The following SAP25 variants were observed in gnomAD, a reference collection of about 807,000 sequenced individuals.
The protein encoded by SAP25 is histone deacetylase complex subunit SAP25.
A neutral mutation model predicts 31.5 loss-of-function variants in SAP25; 24 were observed. The ratio of observed to expected loss-of-function variants is 0.76; its 90% CI spans 0.55 to 1.07. SAP25 has a LOEUF of 1.07. SAP25 is among the 50% of genes least tolerant of loss of function. SAP25 has a pLI of 0.00. For missense variants in SAP25, 377 were observed against 418.8 expected (o/e 0.90, Z 0.87); for synonymous variants, 180 against 186.0 (o/e 0.97, Z 0.26).
Position 100,572,806 on chromosome 7 carries a change from G to A in SAP25, c.511+54C>T, listed in dbSNP as rs1801180411. The A allele has an allele frequency of 2.7e-6, 4 of 1,500,458 alleles. No homozygotes were observed. The African/African-American group carries it at 5.6e-5, about 21-fold the overall frequency. 92.9% of individuals were successfully genotyped at this position (1,500,458 alleles called of 1,614,324 possible). On this transcript the variant is annotated intron_variant, in intron 4 of 5. Transcript: ENST00000622764. The surrounding 1 kb of genome is among the most constrained non-coding windows in gnomAD (Gnocchi z 4.1). ...CTGCGGGCTCCCACCCCTGGGCACT[G>A]GTTCCCAGAGGAGTTGGGGCAGCCT...
rs1233315702 is a variant in SAP25, at chr7:100,573,640, C to G, written c.103G>C (p.Gly35Arg). Residue 35 changes from glycine to arginine, a missense_variant, in exon 1 of 6, where the codon GGA becomes CGA. Physicochemically the swap from Gly to Arg is moderately radical, Grantham distance 125. Coordinates refer to ENST00000622764, the MANE Select transcript of SAP25 (RefSeq NM_001348680.2). ...GKDQGEPWSAGADAPRELGTP... is the reference protein window; with the variant it reads ...GKDQGEPWSARADAPRELGTP... Reference sequence around the variant, plus strand: ...CCCAGCTCCCTGGGGGCGTCCGCTCCGGCGCTCCAGGGCTCGCCCTGGTCC... The same window carrying G: ...CCCAGCTCCCTGGGGGCGTCCGCTCGGGCGCTCCAGGGCTCGCCCTGGTCC... 3 of 1,231,242 alleles carry G rather than the reference C, an allele frequency of 2.4e-6. No individual in the cohort carries two copies. In the South Asian group the frequency reaches 1.2e-4, roughly 51 times the overall value. The allele number at this position is 1,231,242 out of a possible 1,614,324, so 76.3% of individuals were successfully genotyped here.
At position 100,573,623 on chromosome 7, in the gene SAP25, C is replaced by T; in HGVS notation, c.120G>A (p.Arg40=). 1 of 1,231,656 alleles carries T rather than the reference C, an allele frequency of 8.1e-7. No homozygotes were observed. Among genetic ancestry groups the T allele is most frequent in the Non-Finnish European group, 1.0e-6 (1 of 987,888 alleles). 76.3% of individuals were successfully genotyped at this position (1,231,656 alleles called of 1,614,324 possible). A position where few individuals can be genotyped will look rare whatever the true frequency, so the allele number is the denominator to read the frequency against. Residue 40 remains arginine, a synonymous_variant, in exon 1 of 6, where the codon AGG becomes AGA. Coordinates refer to ENST00000622764, the MANE Select transcript of SAP25 (RefSeq NM_001348680.2). ...TGTCCCATGGGGGTGTCCCCAGCTC[C>T]CTGGGGGCGTCCGCTCCGGCGCTCC... is the stretch of plus-strand genomic sequence containing the variant. ...EPWSAGADAP[R]ELGTPPWDSP...
rs555558021 is a variant in SAP25 at position 100,573,465 on chromosome 7, G to A, written c.147-65C>T. On this transcript the variant is annotated intron_variant, in intron 1 of 5. Transcript: ENST00000622764. ...CACGCACCCTCCCCTGGAGCCCAAGGGTGCCTGGTGCAAGGGAGACCGAGG... is the reference window on the plus strand; with the variant it reads ...CACGCACCCTCCCCTGGAGCCCAAGAGTGCCTGGTGCAAGGGAGACCGAGG... 542 of 1,239,460 alleles carry A rather than the reference G, an allele frequency of 4.4e-4. 5 individuals carry two copies. In the African/African-American group the frequency reaches 7.1e-3, roughly 16 times the overall value. The allele number at this position is 1,239,460 out of a possible 1,614,324, so 76.8% of individuals were successfully genotyped here.
chr7:100,573,384 GGGATGGGGGCTGTGGGCT>G lies in SAP25; in HGVS notation c.147-2_162del, dbSNP rs1801210182. ...TCTCTCCAGATCCAGGAAGGGCTAC[GGGATGGGGGCTGTGGGCT>G]GGAGGGGCAGGGACTGAGGCTGCAG... On this transcript the variant is annotated splice_acceptor_variant and coding_sequence_variant, in exon 2 of 6. Coordinates refer to ENST00000622764, the MANE Select transcript of SAP25 (RefSeq NM_001348680.2). LOFTEE classifies it high-confidence loss of function. 1 of 1,371,042 alleles carries G rather than the reference GGGATGGGGGCTGTGGGCT, an allele frequency of 7.3e-7. No homozygotes were observed. The highest frequency in any genetic ancestry group is 1.8e-5 in the South Asian group (1 of 54,562). 84.9% of individuals were successfully genotyped at this position (1,371,042 alleles called of 1,614,324 possible).
chr7:100,573,439 C>T, intron 1 of SAP25, 39 bp from the exon 2 acceptor site: 2 of 1,249,760 alleles, frequency 1.6e-6, no homozygotes, highest in Non-Finnish European at 2.1e-6. Flanking sequence ...CACACCGCCC[C>T]CACGCACCCT....
chr7:100,573,053 C>T (rs369560488), intron 3 of SAP25, 40 bp from the exon 4 acceptor site: 181 of 1,507,222 alleles, frequency 1.2e-4, no homozygotes, highest in Non-Finnish European at 1.5e-4. Context: ...CTCAGGCCAC[C>T]GCACAGCTCC....
Position 100,572,837 on chromosome 7 carries a change from C to A in SAP25, c.511+23G>T, listed in dbSNP as rs1346611466. The A allele has an allele frequency of 1.4e-6, 2 of 1,478,578 alleles. No homozygotes were observed. The highest frequency in any genetic ancestry group is 2.5e-5 in the East Asian group (1 of 40,344). 91.6% of individuals were successfully genotyped at this position (1,478,578 alleles called of 1,614,324 possible). On this transcript the variant is annotated intron_variant, in intron 4 of 5. Coordinates refer to ENST00000622764, the MANE Select transcript of SAP25 (RefSeq NM_001348680.2). The surrounding 1 kb of genome is among the most constrained non-coding windows in gnomAD (Gnocchi z 4.1). ...CAGAGGAGTTGGGGCAGCCTTGCGC[C>A]CCCGGGGGACCAAGGGAGGTACCTG...
intron 3 of SAP25, 38 bp from the exon 4 acceptor site, chr7:100,573,051 A>G: frequency 2.0e-6 from 3 of 1,506,012 alleles, no homozygotes; most frequent in Non-Finnish European, 2.7e-6. Flanking sequence ...GCCTCAGGCC[A>G]CCGCACAGCT....
At position 100,573,818 on chromosome 7, in the gene SAP25, C is replaced by T. The variant is rs1362208283; in HGVS notation, c.-76G>A. 1.8e-6 allele frequency: 2 copies of T among 1,134,622 alleles called. No homozygotes were observed. The highest frequency in any genetic ancestry group is 2.2e-6 in the Non-Finnish European group (2 of 922,350). The allele number at this position is 1,134,622 out of a possible 1,614,324, so 70.3% of individuals were successfully genotyped here. ...CGGCCCTCTCAGCCTCCCTCCGCGG[C>T]GCGGCGCGAACGTGCCCTCCTGGCG... is the stretch of plus-strand genomic sequence containing the variant. On this transcript the variant is annotated 5_prime_UTR_variant, in exon 1 of 6. Transcript: ENST00000622764.
rs1584399596 is a variant in SAP25 at position 100,573,306 on chromosome 7, C to G, written c.241G>C (p.Gly81Arg). The change falls in exon 2 of 6, where the codon GGA becomes CGA. Residue 81 changes from glycine to arginine, a missense_variant. Gly to Arg is a moderately radical substitution (Grantham distance 125). Coordinates refer to ENST00000622764, the MANE Select transcript of SAP25 (RefSeq NM_001348680.2). ...LPGPATEQPP[G>R]APDPRSPQVA... The stretch of plus-strand genomic sequence containing the variant: ...GCAGGGCCTGTCCTACCTGGGGCTC[C>G]GGGGGGCTGCTCAGTGGCCGGGCCT... The G allele has an allele frequency of 1.5e-6, 2 of 1,371,862 alleles. No homozygotes were observed. Among genetic ancestry groups the G allele is most frequent in the Admixed American group, 3.0e-5 (1 of 33,302 alleles). The allele number at this position is 1,371,862 out of a possible 1,614,324, so 85.0% of individuals were successfully genotyped here.
Position 100,573,844 on chromosome 7 carries a change from A to G in SAP25, c.-102T>C. 1 of 1,035,996 alleles carries G rather than the reference A, an allele frequency of 9.7e-7. No individual in the cohort carries two copies. The highest frequency in any genetic ancestry group is 1.2e-6 in the Non-Finnish European group (1 of 837,358). The allele number at this position is 1,035,996 out of a possible 1,614,324, so 64.2% of individuals were successfully genotyped here. A position where few individuals can be genotyped will look rare whatever the true frequency, so the allele number is the denominator to read the frequency against. On this transcript the variant is annotated 5_prime_UTR_variant, in exon 1 of 6. Coordinates refer to ENST00000622764, the MANE Select transcript of SAP25 (RefSeq NM_001348680.2). ...GCGGCGCGAACGTGCCCTCCTGGCG[A>G]ACCCACCCCAGAGGCCTCGCGGCGA...
rs774481783 is a variant in SAP25 at position 100,573,154 on chromosome 7, C to T, written c.309G>A (p.Ala103=). The T allele has an allele frequency of 1.1e-4, 173 of 1,535,746 alleles. No individual in the cohort carries two copies. The highest frequency in any genetic ancestry group is 1.4e-4 in the Non-Finnish European group (162 of 1,146,192). ...EVAPSRMTPL[A]PWDPKYEAKA... ...TGGCTTCATACTTGGGGTCCCAGGG[C>T]GCTAGTGGAGTCATCCTCGAGGGGG... The change falls in exon 3 of 6, where the codon GCG becomes GCA. Residue 103 remains alanine (A), a synonymous_variant. Coordinates refer to ENST00000622764, the MANE Select transcript of SAP25 (RefSeq NM_001348680.2).
Position 100,572,647 on chromosome 7 carries a change from C to G in SAP25, c.609+7G>C, listed in dbSNP as rs1216946253. The G allele has an allele frequency of 6.5e-7, 1 of 1,529,258 alleles. No homozygotes were observed. Among genetic ancestry groups the G allele is most frequent in the African/African-American group, 1.4e-5 (1 of 72,408 alleles). 94.7% of individuals were successfully genotyped at this position (1,529,258 alleles called of 1,614,324 possible). A position where few individuals can be genotyped will look rare whatever the true frequency, so the allele number is the denominator to read the frequency against. ...GGGTAAGGACAGGGAGGGGAAAGAG[C>G]TCTCACCTGCTGGGGGGCCTTGGAC... On this transcript the variant is annotated splice_region_variant and intron_variant, in intron 5 of 5. Transcript: ENST00000622764. The surrounding 1 kb of genome is among the most constrained non-coding windows in gnomAD (Gnocchi z 4.1).
At chr7:100,573,435 GC>G (rs1801212467) in intron 1 of SAP25, 35 bp from the exon 2 acceptor site, 8 of 1,253,706 alleles carry the variant, frequency 6.4e-6, no homozygotes, top group Non-Finnish European at 8.2e-6. Context: ...CAGCCACACC[GC>G]CCCCACGCAC....
At position 100,572,990 on chromosome 7, in the gene SAP25, G is replaced by C; in HGVS notation, c.381C>G (p.Ala127=). The change falls in exon 4 of 6, where the codon GCC becomes GCG. Residue 127 remains alanine (A), a synonymous_variant. Coordinates refer to ENST00000622764, the MANE Select transcript of SAP25 (RefSeq NM_001348680.2). This position sits in a 1 kb window ranked among gnomAD's most constrained non-coding sequence, Gnocchi z 4.1. ...PVWGANCSSG[A]SFSGRTLCHP... is the part of the protein sequence containing the mutation. ...GACACAGCGTCCGGCCTGAGAACGA[G>C]GCTCCTGAGCTACAGTTGGCCCCCT... 6.7e-7 allele frequency: 1 copy of C among 1,499,974 alleles called. No homozygotes were observed. The highest frequency in any genetic ancestry group is 8.9e-7 in the Non-Finnish European group (1 of 1,127,634). The allele number at this position is 1,499,974 out of a possible 1,614,324, so 92.9% of individuals were successfully genotyped here.
In SAP25 at chr7:100,573,683, T is replaced by C; in HGVS notation, c.60A>G (p.Pro20=). Residue 20 remains proline (P), a synonymous_variant, in exon 1 of 6, where the codon CCA becomes CCG. Coordinates refer to ENST00000622764, the MANE Select transcript of SAP25 (RefSeq NM_001348680.2). ...GAGPEEAPEG[P]GLPAGKDQGE... is the part of the protein sequence containing the mutation. ...CCTGGTCCTTGCCCGCCGGAAGGCC[T>C]GGTCCCTCGGGCGCCTCCTCCGGGC... The C allele has an allele frequency of 8.1e-7, 1 of 1,230,194 alleles. No individual in the cohort carries two copies. Among genetic ancestry groups the C allele is most frequent in the Non-Finnish European group, 1.0e-6 (1 of 986,968 alleles). 76.2% of individuals were successfully genotyped at this position (1,230,194 alleles called of 1,614,324 possible). A position where few individuals can be genotyped will look rare whatever the true frequency, so the allele number is the denominator to read the frequency against.
rs1003755634 is a variant in SAP25 at position 100,573,842 on chromosome 7, C to T, written c.-100G>A. On this transcript the variant is annotated 5_prime_UTR_variant, in exon 1 of 6. Coordinates refer to ENST00000622764, the MANE Select transcript of SAP25 (RefSeq NM_001348680.2). ...GCGCGGCGCGAACGTGCCCTCCTGG[C>T]GAACCCACCCCAGAGGCCTCGCGGC... 2.5e-5 allele frequency: 26 copies of T among 1,037,678 alleles called. No individual in the cohort carries two copies. The African/African-American group carries it at 4.4e-4, about 18-fold the overall frequency. The allele number at this position is 1,037,678 out of a possible 1,614,324, so 64.3% of individuals were successfully genotyped here. A position where few individuals can be genotyped will look rare whatever the true frequency, so the allele number is the denominator to read the frequency against.
rs1342092381 is a variant in SAP25, at chr7:100,572,666, C to A, written c.597G>T (p.Lys199Asn). 6.5e-7 allele frequency: 1 copy of A among 1,534,396 alleles called. No homozygotes were observed. Among genetic ancestry groups the A allele is most frequent in the Non-Finnish European group, 8.7e-7 (1 of 1,145,910 alleles). The change falls in exon 5 of 6, where the codon AAG becomes AAT. Residue 199 changes from lysine to asparagine, a missense_variant. Transcript: ENST00000622764. The surrounding 1 kb of genome is among the most constrained non-coding windows in gnomAD (Gnocchi z 4.1). ...AAAGAGCTCTCACCTGCTGGGGGGC[C>A]TTGGACAGGTACAGGGGAACACGCT... ...RGQRVPLYLS[K>N]APQQMMGSLK...
Position 100,572,317 on chromosome 7 carries a change from G to C in SAP25, c.864C>G (p.Leu288=). The C allele has an allele frequency of 7.5e-7, 1 of 1,337,686 alleles. No homozygotes were observed. Among genetic ancestry groups the C allele is most frequent in the Non-Finnish European group, 9.6e-7 (1 of 1,047,068 alleles). 82.9% of individuals were successfully genotyped at this position (1,337,686 alleles called of 1,614,324 possible). ...PSSSQGADLS[L]PQTPDTHCP The stretch of plus-strand genomic sequence containing the variant: ...GACAATGGGTGTCTGGGGTCTGTGG[G>C]AGAGAGAGGTCAGCACCCTGAGAAC... Residue 288 remains leucine, a synonymous_variant, in exon 6 of 6, where the codon CTC becomes CTG. Transcript: ENST00000622764. This position sits in a 1 kb window ranked among gnomAD's most constrained non-coding sequence, Gnocchi z 4.1.
Sources: gnomAD v4.1 joint callset for allele counts on GRCh38, gnomAD v4.1.1 for gene constraint, Gnocchi (gnomAD v3.1) non-coding constraint, MANE v1.5 for transcripts, NCBI Gene and HGNC (gene_info 2026-07-23, HGNC 2026-07-21) for gene names.